Variants in CCDC7 observed in about 807,000 individuals in gnomAD.
CCDC7 encodes coiled-coil domain-containing protein 7.
Under a neutral mutation model 196.9 loss-of-function variants are expected in CCDC7, and 183 were observed. The ratio of observed to expected loss-of-function variants is 0.93; its 90% CI spans 0.82 to 1.05. CCDC7 has a LOEUF of 1.05. Among genes scored for constraint, CCDC7 ranks in the 50% least tolerant of loss-of-function variants. The probability of loss-of-function intolerance (pLI) is 0.00; values close to 1 mark genes in which losing one functional copy is unlikely to be tolerated. For missense variants in CCDC7, 1,540 were observed against 1,482.2 expected (o/e 1.04, Z -0.64); for synonymous variants, 525 against 484.6 (o/e 1.08, Z -1.10).
chr10:32,664,704 C>G (rs764230653), intron 21 of CCDC7, among the ~76,000 whole-genome samples: 1 of 151,928 alleles, frequency 6.6e-6, no homozygotes, highest in Non-Finnish European at 1.5e-5. Flanking sequence ...TTTTCGTTAT[C>G]TATTGATCTG....
chr10:32,584,583 C>G (rs1397226240), intron 18 of CCDC7, among the ~76,000 whole-genome samples: 1 of 151,122 alleles, frequency 6.6e-6, no homozygotes, highest in Non-Finnish European at 1.5e-5. Context: ...TGATGAAACC[C>G]TGTCTCTATT....
chr10:32,780,440 T>G (rs2080862305), intron 29 of CCDC7, among the ~76,000 whole-genome samples: 1 of 152,192 alleles, frequency 6.6e-6, no homozygotes, highest in South Asian at 2.1e-4. Context: ...ATTACAAATT[T>G]ATGTTATGGA....
chr10:32,869,857 T>C (rs557611619), intron 41 of CCDC7, among the ~76,000 whole-genome samples: 2 of 146,414 alleles, frequency 1.4e-5, no homozygotes, highest in South Asian at 4.5e-4. Flanking sequence ...TAGGGAATCC[T>C]TTCCCCATTT....
chr10:32,482,614 C>T (rs984754422), intron 8 of CCDC7, among the ~76,000 whole-genome samples: 1 of 152,090 alleles, frequency 6.6e-6, no homozygotes. Context: ...CGTCATTTAA[C>T]ATTAGGTATA....
upstream of CCDC7, among the ~76,000 whole-genome samples, chr10:32,446,920 CCCTT>C (rs1243842943): frequency 8.7e-5 from 7 of 80,470 alleles, no homozygotes; most frequent in East Asian, 7.5e-4. Flanking sequence ...CTCCCTCCCT[CCCTT>C]CCTTCCTTCC....
At chr10:32,773,958 C>T (rs573333106) in intron 28 of CCDC7, among the ~76,000 whole-genome samples, 1 of 152,250 alleles carries the variant, frequency 6.6e-6, no homozygotes, top group South Asian at 2.1e-4. Context: ...TTATAGTGAG[C>T]CCTGTAACTT....
intron 5 of CCDC7, among the ~76,000 whole-genome samples, chr10:32,467,617 T>C (rs1437094222): frequency 6.6e-6 from 1 of 152,222 alleles, no homozygotes; most frequent in Non-Finnish European, 1.5e-5. Context: ...TAATTTTTGC[T>C]TTTGTTGCAA....
At chr10:32,627,527 T>C (rs577072306) in intron 18 of CCDC7, among the ~76,000 whole-genome samples, 1 of 152,064 alleles carries the variant, frequency 6.6e-6, no homozygotes, top group African/African-American at 2.4e-5. Flanking sequence ...ATTTATTTGG[T>C]TGGGACTTCC....
At chr10:32,500,874 G>A (rs933951455) in intron 9 of CCDC7, among the ~76,000 whole-genome samples, 4 of 152,158 alleles carry the variant, frequency 2.6e-5, no homozygotes, top group African/African-American at 4.8e-5. Flanking sequence ...GCGAAACCCC[G>A]TCTCCACCAA....
intron 2 of CCDC7, 60 bp downstream of exon 3, chr10:32,453,496 T>A: frequency 8.9e-7 from 1 of 1,128,096 alleles, no homozygotes; most frequent in Non-Finnish European, 1.2e-6. Context: ...ATTTTCTTTT[T>A]AAAAATATAA....
At chr10:32,674,491 T>C (rs2074592574) in intron 21 of CCDC7, among the ~76,000 whole-genome samples, 2 of 152,120 alleles carry the variant, frequency 1.3e-5, no homozygotes, top group South Asian at 4.1e-4. Flanking sequence ...TTAAGACTTG[T>C]TTTGTGATAT....
chr10:32,487,741 G>A (rs1468477070), intron 8 of CCDC7, among the ~76,000 whole-genome samples: 1 of 152,226 alleles, frequency 6.6e-6, no homozygotes, highest in Non-Finnish European at 1.5e-5. Context: ...GGAGTTTGCT[G>A]GAGGTCCACT....
At chr10:32,659,973 G>C (rs952186451) in intron 20 of CCDC7, among the ~76,000 whole-genome samples, 1 of 152,078 alleles carries the variant, frequency 6.6e-6, no homozygotes. Context: ...CCCGTTACTG[G>C]GTATATACCC....
chr10:32,596,665 G>A (rs1404683852), intron 18 of CCDC7, among the ~76,000 whole-genome samples: 1 of 151,956 alleles, frequency 6.6e-6, no homozygotes, highest in African/African-American at 2.4e-5. Flanking sequence ...TGCAGTGGCT[G>A]GTTGTTCCTT....
At chr10:32,866,697 T>C (rs948353215) in intron 41 of CCDC7, among the ~76,000 whole-genome samples, 3 of 151,472 alleles carry the variant, frequency 2.0e-5, no homozygotes, top group Non-Finnish European at 4.4e-5. Context: ...TTTCTTTCAA[T>C]AGAATGGCAG....
upstream of CCDC7, among the ~76,000 whole-genome samples, chr10:32,444,748 G>A (rs1203396593): frequency 2.0e-5 from 3 of 150,184 alleles, no homozygotes; most frequent in African/African-American, 7.5e-5. Flanking sequence ...AAAAATTGTT[G>A]GTGGAAAGCT....
At chr10:32,706,358 G>A (rs533902322) in intron 24 of CCDC7, among the ~76,000 whole-genome samples, 10 of 152,158 alleles carry the variant, frequency 6.6e-5, no homozygotes, top group African/African-American at 2.4e-4. Flanking sequence ...ATGCCCACAA[G>A]AGAAAGCAGG....
intron 18 of CCDC7, among the ~76,000 whole-genome samples, chr10:32,609,427 C>T (rs2061863518): frequency 6.6e-6 from 1 of 151,946 alleles, no homozygotes; most frequent in South Asian, 2.1e-4. Context: ...TATAGCTGTT[C>T]TTGCTTGCTT....
chr10:32,752,677 A>G (rs962559148), intron 28 of CCDC7, among the ~76,000 whole-genome samples: 10 of 152,278 alleles, frequency 6.6e-5, no homozygotes, highest in East Asian at 5.8e-4. Flanking sequence ...TTGCTTCTCA[A>G]TGTTATTAGT....
Sources: gnomAD v4.1 joint callset for allele counts (sites outside exome capture counted in the v4.1 genomes callset) on GRCh38, gnomAD v4.1.1 for gene constraint, MANE v1.5 for transcripts, NCBI Gene and HGNC (gene_info 2026-07-23, HGNC 2026-07-21) for gene names.